The following ZNF33A variants were observed in gnomAD, a reference collection of about 807,000 sequenced individuals.
ZNF33A encodes the protein brain my041 protein.
In ZNF33A, 9 loss-of-function variants were observed where a neutral mutation model predicts 15.9. That is an observed-to-expected ratio of 0.57 (90% CI 0.34 to 0.99). The LOEUF (loss-of-function observed/expected upper bound fraction) is 0.99, where lower values mean the gene tolerates loss of function less well. Among genes scored for constraint, ZNF33A ranks in the 50% least tolerant of loss-of-function variants. ZNF33A has a pLI of 0.02. For synonymous variants in ZNF33A, 294 were observed against 324.2 expected, an observed-to-expected ratio of 0.91 and a Z score of 1.00; for missense variants, 843 against 941.6, an observed-to-expected ratio of 0.90 and a Z score of 1.37.
At chr10:38,016,169 C>A in intron 2 of ZNF33A, 1 of 455,520 alleles carries the variant, frequency 2.2e-6, no homozygotes, top group Non-Finnish European at 3.6e-6. Flanking sequence ...TCTTTTTCTA[C>A]ATTTTTAAAT....
At chr10:38,028,093 T>C (rs554978490) in intron 4 of ZNF33A, among the ~76,000 whole-genome samples, 2 of 151,986 alleles carry the variant, frequency 1.3e-5, no homozygotes, top group South Asian at 4.2e-4. Context: ...AAAGTGAGAC[T>C]CTGTTTCTAC....
chr10:38,056,007 A>G lies in ZNF33A; in HGVS notation c.1883A>G (p.Gln628Arg). ...CAGAAGTCACAACTCACTCAGCATC[A>G]GAGAATTCACATAGGGGAGAAACCC... ...FYQKSQLTQHQRIHIGEKPYK... is the reference protein window; with the variant it reads ...FYQKSQLTQHRRIHIGEKPYK... Residue 628 changes from glutamine (Q) to arginine (R), a missense_variant, in exon 5 of 5, where the codon CAG (glutamine) becomes CGG (arginine). Physicochemically the swap from Gln to Arg is conservative, Grantham distance 43. Transcript: ENST00000432900. The G allele has an allele frequency of 1.2e-6, 2 of 1,614,142 alleles. No individual in the cohort carries two copies. The highest frequency in any genetic ancestry group is 1.1e-5 in the South Asian group (1 of 91,078).
chr10:38,039,187 G>GTTT, intron 4 of ZNF33A, among the ~76,000 whole-genome samples: 1 of 148,174 alleles, frequency 6.7e-6, no homozygotes, highest in African/African-American at 2.5e-5. Context: ...ATGGACCTGG[G>GTTT]TTTTTTTTTT....
At chr10:38,020,905 C>A (rs1381727723) in intron 4 of ZNF33A, among the ~76,000 whole-genome samples, 1 of 152,136 alleles carries the variant, frequency 6.6e-6, no homozygotes, top group African/African-American at 2.4e-5. Context: ...TTTTCAGGAA[C>A]TTCCAAACTG....
intron 2 of ZNF33A, chr10:38,015,886 G>A: frequency 1.5e-6 from 1 of 657,260 alleles, no homozygotes; most frequent in Non-Finnish European, 2.2e-6. Context: ...GTTCTCAGTA[G>A]AATTGGTTCT....
At chr10:38,035,835 AAAG>A (rs1420153154) in intron 4 of ZNF33A, among the ~76,000 whole-genome samples, 35 of 152,326 alleles carry the variant, frequency 2.3e-4, no homozygotes, top group African/African-American at 7.5e-4. Context: ...AAAGAAAAGA[AAAG>A]AAGAAAGAAA....
Position 38,010,704 on chromosome 10 carries a change from G to C in ZNF33A, c.-124G>C, listed in dbSNP as rs1475936892. ...CCGCCTTTCCTTTTGTTTTTCTCAG[G>C]TTTTGCGTGGGAGGCGGTCCCGGGA... On this transcript the variant is annotated 5_prime_UTR_variant, in exon 1 of 5. Transcript: ENST00000432900. 2.5e-6 allele frequency: 4 copies of C among 1,598,158 alleles called. No individual in the cohort carries two copies. In the African/African-American group the frequency reaches 5.3e-5, roughly 21 times the overall value.
Position 38,056,555 on chromosome 10 carries a change from C to T in ZNF33A, c.2431C>T (p.Gln811Ter). 3 of 1,559,894 alleles carry T rather than the reference C, an allele frequency of 1.9e-6. No individual in the cohort carries two copies. The highest frequency in any genetic ancestry group is 2.6e-6 in the Non-Finnish European group (3 of 1,156,320). The change falls in exon 5 of 5, where the codon CAG (glutamine) becomes TAG (stop). Residue 811 changes from glutamine (Q) to a stop codon, truncating the protein, a stop_gained. Transcript: ENST00000432900. LOFTEE classifies it high-confidence loss of function. ...GESPDDILNVQ is the reference protein window; with the variant it reads ...GESPDDILNV Reference sequence around the variant, plus strand: ...AAGCCCTGATGACATCCTGAATGTTCAGTAACTATCCACAAACTCACCTTA... The same window carrying T: ...AAGCCCTGATGACATCCTGAATGTTTAGTAACTATCCACAAACTCACCTTA...
At chr10:38,036,310 G>C (rs577839078) in intron 4 of ZNF33A, among the ~76,000 whole-genome samples, 1 of 152,032 alleles carries the variant, frequency 6.6e-6, no homozygotes, top group Non-Finnish European at 1.5e-5. Flanking sequence ...GGTGGAATGC[G>C]CCTGTAATCC....
At chr10:38,053,439 T>A (rs2066304074) in intron 4 of ZNF33A, among the ~76,000 whole-genome samples, 1 of 152,162 alleles carries the variant, frequency 6.6e-6, no homozygotes, top group South Asian at 2.1e-4. Context: ...AGGACACCAA[T>A]GCCATTGTAT....
In ZNF33A at chr10:38,017,302, C is replaced by A; in HGVS notation, c.166C>A (p.His56Asn). The A allele has an allele frequency of 6.2e-7, 1 of 1,613,822 alleles. No individual in the cohort carries two copies. Among genetic ancestry groups the A allele is most frequent in the Non-Finnish European group, 8.5e-7 (1 of 1,179,804 alleles). Residue 56 changes from histidine (H) to asparagine (N), a missense_variant, in exon 4 of 5, where the codon CAC becomes AAC. His to Asn is a moderately conservative substitution (Grantham distance 68). Coordinates refer to ENST00000432900, the MANE Select transcript of ZNF33A (RefSeq NM_006954.2). ...TTTCCTGTTAACAGGGTATTGTGTTCACAAACCAGAGGTGATCTTCAGGCT... is the reference window on the plus strand; with the variant it reads ...TTTCCTGTTAACAGGGTATTGTGTTAACAAACCAGAGGTGATCTTCAGGCT... Reference protein sequence around the residue: ...SNLVSVGYCVHKPEVIFRLQQ... With the variant: ...SNLVSVGYCVNKPEVIFRLQQ...
Position 38,057,267 on chromosome 10 carries a change from A to G in ZNF33A, c.*707A>G. The G allele has an allele frequency of 2.0e-6, 2 of 985,036 alleles. No homozygotes were observed. Among genetic ancestry groups the G allele is most frequent in the African/African-American group, 3.5e-5 (2 of 57,380 alleles). 61.0% of individuals were successfully genotyped at this position (985,036 alleles called of 1,614,324 possible). A position where few individuals can be genotyped will look rare whatever the true frequency, so the allele number is the denominator to read the frequency against. On this transcript the variant is annotated 3_prime_UTR_variant, in exon 5 of 5. Coordinates refer to ENST00000432900, the MANE Select transcript of ZNF33A (RefSeq NM_006954.2). ...GATTACAAAGGATTTAGCCTCAAGTAGTTCCCTTTTTGTATTAATAACCAC... is the reference window on the plus strand; with the variant it reads ...GATTACAAAGGATTTAGCCTCAAGTGGTTCCCTTTTTGTATTAATAACCAC...
chr10:38,038,429 AT>A (rs1296675674), intron 4 of ZNF33A, among the ~76,000 whole-genome samples: 1 of 152,126 alleles, frequency 6.6e-6, no homozygotes, highest in African/African-American at 2.4e-5. Context: ...TTCATTTATG[AT>A]TTGTTTGTTG....
At chr10:38,064,155 C>G (rs766197479), downstream of ZNF33A, 1 of 1,582,596 alleles carries the variant, frequency 6.3e-7, no homozygotes, top group Non-Finnish European at 8.5e-7. Context: ...TCTGCACTGC[C>G]TGCCACACCA....
Position 38,056,276 on chromosome 10 carries a change from G to A in ZNF33A, c.2152G>A (p.Glu718Lys). The A allele has an allele frequency of 6.2e-7, 1 of 1,614,082 alleles. No homozygotes were observed. The change falls in exon 5 of 5, where the codon GAG becomes AAG. Residue 718 changes from glutamate to lysine, a missense_variant. By Grantham distance (56) the Glu-to-Lys change is moderately conservative. Transcript: ENST00000432900. ...AGTACATCACAGGGCTCACACAGGA[G>A]AGAAATCTTGTCAATGTAATGAATG... ...LTVHHRAHTG[E>K]KSCQCNECGK...
intron 4 of ZNF33A, chr10:38,044,009 C>T (rs938113711): frequency 6.6e-6 from 1 of 152,018 alleles, no homozygotes; most frequent in African/African-American, 2.4e-5. Context: ...TTTTCTGCTA[C>T]TTGATATTTC....
intron 1 of ZNF33A, 47 bp from the exon 2 acceptor site, chr10:38,012,251 A>T (rs2064218722): frequency 6.3e-7 from 1 of 1,594,440 alleles, no homozygotes; most frequent in Middle Eastern, 1.7e-4. Context: ...AGGAGTTGCC[A>T]GGCAGGCCAA....
chr10:38,057,624 A>G lies in ZNF33A; in HGVS notation c.*1064A>G, dbSNP rs1174291011. ...ATCCATTTAAAAGGTATAAATCAAAATAACAAATTATCTAAAAAAAATCTA... is the reference window on the plus strand; with the variant it reads ...ATCCATTTAAAAGGTATAAATCAAAGTAACAAATTATCTAAAAAAAATCTA... On this transcript the variant is annotated 3_prime_UTR_variant, in exon 5 of 5. Coordinates refer to ENST00000432900, the MANE Select transcript of ZNF33A (RefSeq NM_006954.2). 1.0e-6 allele frequency: 1 copy of G among 984,696 alleles called. No individual in the cohort carries two copies. The highest frequency in any genetic ancestry group is 1.2e-6 in the Non-Finnish European group (1 of 829,354). The allele number at this position is 984,696 out of a possible 1,614,324, so 61.0% of individuals were successfully genotyped here.
At chr10:38,054,299 G>A in intron 4 of ZNF33A, 76 bp from the exon 5 acceptor site, 3 of 1,403,730 alleles carry the variant, frequency 2.1e-6, no homozygotes, top group Non-Finnish European at 2.8e-6. Context: ...GCAACATGGG[G>A]CATTTGTTTA....
Sources: allele counts gnomAD v4.1 joint callset (sites outside exome capture counted in the v4.1 genomes callset), GRCh38; gene constraint gnomAD v4.1.1; transcripts MANE v1.5; gene names NCBI Gene and HGNC (gene_info 2026-07-23, HGNC 2026-07-21).